DDAH1: variants seen among roughly 807,000 people sequenced by gnomAD.
The protein encoded by DDAH1 is N(G),N(G)-dimethylarginine dimethylaminohydrolase 1.
DDAH1 carries 19 observed loss-of-function variants against 28.8 expected under a neutral mutation model. That is an observed-to-expected ratio of 0.66 (90% CI 0.46 to 0.97). The LOEUF is 0.97. DDAH1 is among the 50% of genes least tolerant of loss of function. DDAH1 has a pLI of 0.00. For synonymous variants in DDAH1, 153 were observed against 154.4 expected (o/e 0.99, Z 0.07); for missense variants, 326 against 375.9 (o/e 0.87, Z 1.10).
chr1:85,476,054 G>A (rs190791764), intron 2 of DDAH1, among the ~76,000 whole-genome samples: 3 of 152,182 alleles, frequency 2.0e-5, no homozygotes, highest in Admixed American at 6.5e-5. Flanking sequence ...ATACAGACAG[G>A]TTTCGCCATA....
At chr1:85,528,376 C>T (rs1488110869) in intron 1 of DDAH1, among the ~76,000 whole-genome samples, 4 of 152,104 alleles carry the variant, frequency 2.6e-5, no homozygotes, top group Admixed American at 1.3e-4. Context: ...GAAAATACTG[C>T]TTTACCAAGC....
At chr1:85,509,936 C>T (rs1247123687) in intron 1 of DDAH1, among the ~76,000 whole-genome samples, 1 of 152,154 alleles carries the variant, frequency 6.6e-6, no homozygotes, top group African/African-American at 2.4e-5. Context: ...ACCAGGAGAA[C>T]TTCCCCAACC....
At chr1:85,539,205 G>A (rs573398119) in intron 1 of DDAH1, among the ~76,000 whole-genome samples, 4 of 151,200 alleles carry the variant, frequency 2.6e-5, no homozygotes, top group South Asian at 2.1e-4. Context: ...GGAGTGCAAC[G>A]GCACAGTCTT....
intron 1 of DDAH1, among the ~76,000 whole-genome samples, chr1:85,407,476 C>G (rs890203589): frequency 3.9e-5 from 6 of 152,160 alleles, no homozygotes; most frequent in Non-Finnish European, 5.9e-5. Flanking sequence ...TTGCAGCTTT[C>G]CAGCAATTCA....
intron 4 of DDAH1, among the ~76,000 whole-genome samples, chr1:85,339,046 CAAAA>C (rs67167548): frequency 7.2e-6 from 1 of 138,520 alleles, no homozygotes; most frequent in Non-Finnish European, 1.5e-5. Flanking sequence ...GACTCCGTCT[CAAAA>C]AAAAAAAAAA....
At chr1:85,400,043 T>C (rs1651993341) in intron 1 of DDAH1, 1 of 152,178 alleles carries the variant, frequency 6.6e-6, no homozygotes, top group South Asian at 2.1e-4. Context: ...ATCTTGGCCT[T>C]GTTTTGCTGC....
intron 4 of DDAH1, among the ~76,000 whole-genome samples, chr1:85,350,088 A>T (rs1649112186): frequency 6.6e-6 from 1 of 152,220 alleles, no homozygotes; most frequent in African/African-American, 2.4e-5. Flanking sequence ...AAAACATTAC[A>T]AGGAGCTCAA....
chr1:85,358,894 C>T (rs1649634018), intron 1 of DDAH1, 47 bp from the exon 2 acceptor site: 1 of 1,434,162 alleles, frequency 7.0e-7, no homozygotes, highest in Non-Finnish European at 9.7e-7. Context: ...AATTTCCTAA[C>T]AAGAAAAAAA....
chr1:85,534,237 G>A (rs1380773046), intron 1 of DDAH1, among the ~76,000 whole-genome samples: 1 of 152,132 alleles, frequency 6.6e-6, no homozygotes, highest in Non-Finnish European at 1.5e-5. Flanking sequence ...TCACGTCAGT[G>A]CAGTAAATTT....
chr1:85,536,185 G>A (rs1282260350), intron 1 of DDAH1, among the ~76,000 whole-genome samples: 1 of 151,026 alleles, frequency 6.6e-6, no homozygotes, highest in African/African-American at 2.4e-5. Context: ...TGCAGTGAAC[G>A]GAGATTGCAT....
chr1:85,416,239 AT>A (rs951823584), intron 1 of DDAH1, among the ~76,000 whole-genome samples: 4 of 151,016 alleles, frequency 2.6e-5, no homozygotes, highest in African/African-American at 9.8e-5. Context: ...TATATATAGT[AT>A]TTGGTTTTTG....
intron 1 of DDAH1, among the ~76,000 whole-genome samples, chr1:85,371,659 A>G (rs1177779035): frequency 1.3e-5 from 2 of 152,186 alleles, no homozygotes; most frequent in Non-Finnish European, 2.9e-5. Flanking sequence ...TTTCAAACAC[A>G]TTTCAGATCA....
intron 1 of DDAH1, among the ~76,000 whole-genome samples, chr1:85,530,027 C>T (rs372752905): frequency 0.026 from 3,735 of 141,490 alleles, 190 homozygotes; most frequent in African/African-American, 0.091. Context: ...TGCTGACCCA[C>T]GCATTTGGAA....
intron 1 of DDAH1, among the ~76,000 whole-genome samples, chr1:85,454,039 G>T (rs1386094904): frequency 2.0e-5 from 3 of 151,552 alleles, no homozygotes; most frequent in African/African-American, 7.3e-5. Context: ...GTAGGTCTCA[G>T]CCCCCACCTG....
intron 1 of DDAH1, among the ~76,000 whole-genome samples, chr1:85,498,444 C>T (rs973174713): frequency 5.3e-5 from 8 of 152,038 alleles, no homozygotes; most frequent in African/African-American, 1.9e-4. Context: ...GACAATAGTG[C>T]AAAGAACATA....
intron 1 of DDAH1, among the ~76,000 whole-genome samples, chr1:85,511,393 A>G (rs554342667): frequency 6.6e-6 from 1 of 152,360 alleles, no homozygotes; most frequent in African/African-American, 2.4e-5. Flanking sequence ...CCACTAGAGA[A>G]AGCAAGAAAG....
At chr1:85,383,125 AC>A (rs1413327286) in intron 1 of DDAH1, among the ~76,000 whole-genome samples, 2 of 152,200 alleles carry the variant, frequency 1.3e-5, no homozygotes, top group Non-Finnish European at 2.9e-5. Context: ...TGCTGCCAAA[AC>A]TGTGATTCCT....
At chr1:85,472,972 A>G (rs888589840) in intron 2 of DDAH1, among the ~76,000 whole-genome samples, 3 of 152,142 alleles carry the variant, frequency 2.0e-5, no homozygotes, top group African/African-American at 7.2e-5. Context: ...ACAGTATTGC[A>G]GTATTTGATT....
intron 1 of DDAH1, among the ~76,000 whole-genome samples, chr1:85,563,856 A>T (rs1473518335): frequency 6.6e-6 from 1 of 152,250 alleles, no homozygotes; most frequent in East Asian, 1.9e-4. Flanking sequence ...TAAAAGACCC[A>T]AGTCAAGCTT....
Sources: gnomAD v4.1 joint callset for allele counts (sites outside exome capture counted in the v4.1 genomes callset) on GRCh38, gnomAD v4.1.1 for gene constraint, MANE v1.5 for transcripts, NCBI Gene and HGNC (gene_info 2026-07-23, HGNC 2026-07-21) for gene names.